The following FBXW10B variants were observed in gnomAD, a reference collection of about 807,000 sequenced individuals.
The protein encoded by FBXW10B is F-box and WD repeat domain containing protein 10B.
chr17:15,605,515 G>A, the FBXW10B span: 1 of 1,341,384 alleles, frequency 7.5e-7, no homozygotes, highest in East Asian at 2.5e-5. Flanking sequence ...CTACAGCAGT[G>A]GTGTAAAGGA....
the FBXW10B span, chr17:15,589,291 T>C: frequency 1.3e-6 from 2 of 1,590,846 alleles, no homozygotes; most frequent in South Asian, 2.3e-5. Flanking sequence ...GACATACACT[T>C]TCCCTTGTAG....
At chr17:15,612,234 G>A in the FBXW10B span, among the ~76,000 whole-genome samples, 18 of 152,180 alleles carry the variant, frequency 1.2e-4, no homozygotes, top group Non-Finnish European at 2.4e-4. Flanking sequence ...CGGGCTGGGC[G>A]CGGTGGCTCA....
the FBXW10B span, among the ~76,000 whole-genome samples, chr17:15,617,374 C>A: frequency 6.6e-6 from 1 of 152,116 alleles, no homozygotes; most frequent in Non-Finnish European, 1.5e-5. Flanking sequence ...ATGTGACCAC[C>A]CCCTCCCAGC....
chr17:15,596,520 C>T, the FBXW10B span: 18 of 1,590,716 alleles, frequency 1.1e-5, no homozygotes, highest in Non-Finnish European at 1.4e-5. Flanking sequence ...TTACCTTTAC[C>T]AACTGGGCCA....
At chr17:15,577,384 T>C in the FBXW10B span, among the ~76,000 whole-genome samples, 1 of 152,198 alleles carries the variant, frequency 6.6e-6, no homozygotes. Flanking sequence ...TTTCTGAAAG[T>C]TACACTCCCT....
chr17:15,602,785 G>A, the FBXW10B span, among the ~76,000 whole-genome samples: 17 of 121,746 alleles, frequency 1.4e-4, 3 homozygotes, highest in Admixed American at 3.1e-4. Context: ...CCGCCACCTC[G>A]CCCGGCTAAT....
chr17:15,612,668 C>G, the FBXW10B span: 1 of 1,613,836 alleles, frequency 6.2e-7, no homozygotes, highest in South Asian at 1.1e-5. Context: ...GAGACGCTCA[C>G]AGCTACTTGC....
chr17:15,605,710 G>C, the FBXW10B span, among the ~76,000 whole-genome samples: 1 of 152,080 alleles, frequency 6.6e-6, no homozygotes, highest in Admixed American at 6.5e-5. Context: ...AGAGAACAGA[G>C]TATGTGGCAT....
At chr17:15,613,315 C>CA in the FBXW10B span, among the ~76,000 whole-genome samples, 1 of 147,784 alleles carries the variant, frequency 6.8e-6, no homozygotes, top group African/African-American at 2.6e-5. Flanking sequence ...GCATAAGCTG[C>CA]AATATAACTC....
the FBXW10B span, among the ~76,000 whole-genome samples, chr17:15,614,563 G>C: frequency 2.0e-5 from 3 of 151,916 alleles, no homozygotes; most frequent in Non-Finnish European, 2.9e-5. Context: ...GAAGTCTAGA[G>C]TATCAGAGTC....
chr17:15,574,108 T>G, the FBXW10B span: 4 of 739,138 alleles, frequency 5.4e-6, no homozygotes, highest in African/African-American at 5.2e-5. Context: ...TCTAGAGGCT[T>G]CTGGCACTGG....
chr17:15,610,489 G>A, the FBXW10B span, among the ~76,000 whole-genome samples: 1 of 152,186 alleles, frequency 6.6e-6, no homozygotes, highest in Non-Finnish European at 1.5e-5. Flanking sequence ...AAAGGAATGT[G>A]CTCATGATGG....
chr17:15,586,889 G>A, the FBXW10B span, among the ~76,000 whole-genome samples: 1 of 151,614 alleles, frequency 6.6e-6, no homozygotes, highest in African/African-American at 2.4e-5. Flanking sequence ...TCTTTAAAAG[G>A]AATGAAGACA....
the FBXW10B span, among the ~76,000 whole-genome samples, chr17:15,606,663 A>G: frequency 2.7e-5 from 4 of 147,722 alleles, no homozygotes; most frequent in Admixed American, 6.7e-5. Context: ...ATGTGTGTGT[A>G]TATGTACACA....
At chr17:15,588,802 G>C in the FBXW10B span, 3 of 1,279,830 alleles carry the variant, frequency 2.3e-6, no homozygotes, top group South Asian at 3.6e-5. Context: ...TAGGCAGTGT[G>C]ATTGAGTTGA....
the FBXW10B span, among the ~76,000 whole-genome samples, chr17:15,609,852 CTT>C: frequency 9.3e-4 from 96 of 103,162 alleles, no homozygotes; most frequent in Non-Finnish European, 1.4e-3. Flanking sequence ...TTCTTTCTTT[CTT>C]TTTTTTTTTT....
the FBXW10B span, chr17:15,598,479 A>T: frequency 6.2e-7 from 1 of 1,613,218 alleles, no homozygotes. Context: ...GCATTTTGGT[A>T]ACCTGTGGGT....
the FBXW10B span, among the ~76,000 whole-genome samples, chr17:15,606,316 G>A: frequency 0.26 from 31,785 of 120,692 alleles, 7,085 homozygotes; most frequent in African/African-American, 0.52. Context: ...TCTAAATATG[G>A]GGAGCTTTGA....
chr17:15,590,069 C>T, the FBXW10B span, among the ~76,000 whole-genome samples: 5 of 151,604 alleles, frequency 3.3e-5, no homozygotes, highest in East Asian at 1.9e-4. Flanking sequence ...GCAAGGAAGC[C>T]GGCGGCGCTG....
Sources: gnomAD v4.1 joint callset for allele counts (sites outside exome capture counted in the v4.1 genomes callset) on GRCh38, gnomAD v4.1.1 for gene constraint, MANE v1.5 for transcripts, NCBI Gene and HGNC (gene_info 2026-07-23, HGNC 2026-07-21) for gene names.